Variants in LRIG1 observed in about 807,000 individuals in gnomAD.
LRIG1 encodes leucine-rich repeats and immunoglobulin-like domains protein 1.
LRIG1 carries 48 observed loss-of-function variants against 99.2 expected under a neutral mutation model. That is an observed-to-expected ratio of 0.48 (90% CI 0.38 to 0.62). The LOEUF is 0.62. LRIG1 is among the 20% of genes least tolerant of loss of function. The pLI is 0.00. For missense variants in LRIG1, 1,646 were observed against 1,434.4 expected (o/e 1.15, Z -2.38); for synonymous variants, 772 against 596.1 (o/e 1.29, Z -4.30).
At chr3:66,462,371 A>G (rs896963986) in intron 2 of LRIG1, 67 bp downstream of exon 2, 1 of 1,179,060 alleles carries the variant, frequency 8.5e-7, no homozygotes, top group African/African-American at 1.5e-5. Flanking sequence ...CGATGCTGCA[A>G]TACAAGAGGA....
intron 2 of LRIG1, among the ~76,000 whole-genome samples, chr3:66,460,145 C>T (rs1700323856): frequency 6.6e-6 from 1 of 152,110 alleles, no homozygotes; most frequent in Non-Finnish European, 1.5e-5. Context: ...CTCTTGTAGC[C>T]CCAGCACCCA....
Position 66,410,118 on chromosome 3 carries a change from A to C in LRIG1, c.935+11T>G. On this transcript the variant is annotated intron_variant, in intron 7 of 18. Transcript: ENST00000273261. Reference sequence around the variant, plus strand: ...AAAACACTGCCACAGCCCAGAGCCGAGGACACTTACAACTCATGCAGCTTC... The same window carrying C: ...AAAACACTGCCACAGCCCAGAGCCGCGGACACTTACAACTCATGCAGCTTC... The C allele has an allele frequency of 6.2e-7, 1 of 1,606,934 alleles. No homozygotes were observed. The highest frequency in any genetic ancestry group is 8.5e-7 in the Non-Finnish European group (1 of 1,176,454).
intron 1 of LRIG1, among the ~76,000 whole-genome samples, chr3:66,472,303 CAAAAAAAAAAAAAAAAAAAAAA>C (rs71105995): frequency 4.2e-4 from 27 of 63,844 alleles, no homozygotes; most frequent in Non-Finnish European, 6.0e-4. Flanking sequence ...GACTCTGTCT[CAAAAAAAAAAAAAAAAAAAAAA>C]AAAAAAAACA....
intron 1 of LRIG1, among the ~76,000 whole-genome samples, chr3:66,495,728 T>C (rs1009096675): frequency 6.6e-6 from 1 of 152,234 alleles, no homozygotes; most frequent in Non-Finnish European, 1.5e-5. Flanking sequence ...CTAACAGACC[T>C]TCAGGGCTTT....
Position 66,464,648 on chromosome 3 carries a change from T to C in LRIG1, c.219-2139A>G, listed in dbSNP as rs181214146. On this transcript the variant is annotated intron_variant, in intron 1 of 18. Transcript: ENST00000273261. Reference sequence around the variant, plus strand: ...GGAACATATGTTTCTGGCTTACACATGTGGCCTGGATAGAGCTAGGGCTCA... The same window carrying C: ...GGAACATATGTTTCTGGCTTACACACGTGGCCTGGATAGAGCTAGGGCTCA... Among the ~76,000 whole-genome samples the C allele has an allele frequency of 2.6e-3, 390 of 152,300 alleles. 3 individuals carry two copies. The highest frequency in any genetic ancestry group is 0.022 in the East Asian group (113 of 5,186).
chr3:66,380,547 C>T, intron 18 of LRIG1, 30 bp downstream of exon 18: 1 of 1,613,428 alleles, frequency 6.2e-7, no homozygotes, highest in South Asian at 1.1e-5. Flanking sequence ...CAGCTCCCAA[C>T]CCACCTGTTA....
At chr3:66,485,767 T>C (rs1015649702) in intron 1 of LRIG1, among the ~76,000 whole-genome samples, 1 of 152,072 alleles carries the variant, frequency 6.6e-6, no homozygotes, top group Non-Finnish European at 1.5e-5. Context: ...ACCACCCCCT[T>C]TACCAAACAG....
intron 7 of LRIG1, among the ~76,000 whole-genome samples, chr3:66,408,871 C>T (rs1702365896): frequency 7.2e-6 from 1 of 139,226 alleles, no homozygotes; most frequent in Non-Finnish European, 1.5e-5. Flanking sequence ...CTGTGTTTTG[C>T]ATTAGATAAT....
In LRIG1 at chr3:66,405,180, C is replaced by T. The variant is rs1331329573; in HGVS notation, c.1160+18G>A. On this transcript the variant is annotated intron_variant, in intron 9 of 18. Transcript: ENST00000273261. ...TCCCGCGCATTTGCCGGCGGAGCTCCGTGCGGCGGATACTCACAGCTTGCT... is the reference window on the plus strand; with the variant it reads ...TCCCGCGCATTTGCCGGCGGAGCTCTGTGCGGCGGATACTCACAGCTTGCT... 5.0e-6 allele frequency: 8 copies of T among 1,612,518 alleles called. No individual in the cohort carries two copies. Among genetic ancestry groups the T allele is most frequent in the Admixed American group, 3.3e-5 (2 of 60,018 alleles).
intron 1 of LRIG1, among the ~76,000 whole-genome samples, chr3:66,493,197 T>C (rs57827330): frequency 2.3e-3 from 344 of 152,288 alleles, no homozygotes; most frequent in African/African-American, 7.8e-3. Context: ...TTCCAAGCTA[T>C]TGACTGAGAG....
Position 66,382,253 on chromosome 3 carries a change from C to G in LRIG1, c.2617+20G>C. 2 of 1,613,834 alleles carry G rather than the reference C, an allele frequency of 1.2e-6. No homozygotes were observed. The highest frequency in any genetic ancestry group is 1.7e-5 in the Admixed American group (1 of 60,016). On this transcript the variant is annotated intron_variant, in intron 16 of 18. Coordinates refer to ENST00000273261, the MANE Select transcript of LRIG1 (RefSeq NM_015541.3). ...ACACAGTCACAGCAGAGCTCTGCTT[C>G]ACAGTTACTGAGGCCTTACCATTGC...
chr3:66,398,827 C>G (rs942872967), intron 10 of LRIG1, 143 bp downstream of exon 10: 30 of 681,452 alleles, frequency 4.4e-5, no homozygotes, highest in Non-Finnish European at 6.9e-5. Context: ...AAAGCTGAAG[C>G]TGACATAATG....
At chr3:66,405,581 G>A (rs948878415) in intron 8 of LRIG1, among the ~76,000 whole-genome samples, 28 of 152,192 alleles carry the variant, frequency 1.8e-4, no homozygotes, top group Admixed American at 1.3e-3. Context: ...ATTCTGCCCC[G>A]AGAGAGCGGA....
intron 9 of LRIG1, chr3:66,401,523 G>A (rs1283000801): frequency 3.4e-5 from 30 of 890,048 alleles, no homozygotes; most frequent in Non-Finnish European, 1.1e-5. Flanking sequence ...TATTTTTAAC[G>A]GTGACAATAG....
chr3:66,494,822 T>C (rs1220589678), intron 1 of LRIG1, among the ~76,000 whole-genome samples: 1 of 152,228 alleles, frequency 6.6e-6, no homozygotes, highest in Non-Finnish European at 1.5e-5. Flanking sequence ...TATTGATCCA[T>C]TCATTTTGCT....
At chr3:66,440,729 C>T (rs1478038831) in intron 3 of LRIG1, among the ~76,000 whole-genome samples, 2 of 152,140 alleles carry the variant, frequency 1.3e-5, no homozygotes, top group Non-Finnish European at 2.9e-5. Context: ...ACTCAGTGCA[C>T]GTTCAGTATA....
intron 13 of LRIG1, among the ~76,000 whole-genome samples, chr3:66,385,615 G>A (rs1326417628): frequency 6.6e-6 from 1 of 152,082 alleles, no homozygotes; most frequent in Non-Finnish European, 1.5e-5. Context: ...ACCACACCTG[G>A]CTAATTTTTG....
In LRIG1 at chr3:66,500,524, G is replaced by A. The variant is rs1701335319; in HGVS notation, c.-117C>T. 13 of 492,752 alleles carry A rather than the reference G, an allele frequency of 2.6e-5. No individual in the cohort carries two copies. In the South Asian group the frequency reaches 9.1e-4, roughly 35 times the overall value. 30.5% of individuals were successfully genotyped at this position (492,752 alleles called of 1,614,324 possible). On this transcript the variant is annotated 5_prime_UTR_variant, in exon 1 of 19. Coordinates refer to ENST00000273261, the MANE Select transcript of LRIG1 (RefSeq NM_015541.3). ...GGCTCTAGACTCCGCACCGGGGCAT[G>A]GCCCCCGCCCCAAGTTCTCTCTGCG... is the stretch of plus-strand genomic sequence containing the variant.
chr3:66,423,218 C>A (rs1431373684), intron 3 of LRIG1, among the ~76,000 whole-genome samples: 1 of 152,226 alleles, frequency 6.6e-6, no homozygotes, highest in Non-Finnish European at 1.5e-5. Flanking sequence ...TTGAACTCCA[C>A]ATTTTAAAAA....
Sources: gnomAD v4.1 joint callset for allele counts (sites outside exome capture counted in the v4.1 genomes callset) on GRCh38, gnomAD v4.1.1 for gene constraint, MANE v1.5 for transcripts, NCBI Gene and HGNC (gene_info 2026-07-23, HGNC 2026-07-21) for gene names.